The following PTGES3 variants were observed in gnomAD, a reference collection of about 807,000 sequenced individuals.
PTGES3 encodes the protein prostaglandin E synthase 3.
PTGES3 carries 5 observed loss-of-function variants against 29.9 expected under a neutral mutation model. The ratio of observed to expected loss-of-function variants is 0.17; its 90% CI spans 0.09 to 0.35. The LOEUF is 0.35. Among genes scored for constraint, PTGES3 ranks in the 10% least tolerant of loss-of-function variants. PTGES3 has a pLI of 1.00. For missense variants in PTGES3, 128 were observed against 190.0 expected (o/e 0.67, Z 1.92); for synonymous variants, 49 against 57.8 (o/e 0.85, Z 0.69).
At chr12:56,687,308 G>T in intron 1 of PTGES3, 1 of 990,432 alleles carries the variant, frequency 1.0e-6, no homozygotes, top group Non-Finnish European at 1.2e-6. Context: ...GACACGTGCG[G>T]AACTACCTGC....
rs1187679661 is a variant in PTGES3, at chr12:56,688,277, G to GTGGTGAGGCCGGGCGGCGGC, written c.-279_-278insGCCGCCGCCCGGCCTCACCA. 3.6e-5 allele frequency: 18 copies of GTGGTGAGGCCGGGCGGCGGC among 494,562 alleles called. No individual in the cohort carries two copies. The highest frequency in any genetic ancestry group is 3.4e-4 in the African/African-American group (17 of 49,664). The allele number at this position is 494,562 out of a possible 1,614,324, so 30.6% of individuals were successfully genotyped here. A position where few individuals can be genotyped will look rare whatever the true frequency, so the allele number is the denominator to read the frequency against. On this transcript the variant is annotated 5_prime_UTR_variant, in exon 1 of 8. Transcript: ENST00000262033. Reference sequence around the variant, plus strand: ...GAACGTGCGTGCGTGCAAACGAGGGGTGGTGAGGCCGGGCGGCGGCTGGTG... The same window carrying GTGGTGAGGCCGGGCGGCGGC: ...GAACGTGCGTGCGTGCAAACGAGGGGTGGTGAGGCCGGGCGGCGGCTGGTGAGGCCGGGCGGCGGCTGGTG...
Position 56,683,473 on chromosome 12 carries a change from CAAAAAAAAA to C in PTGES3, c.2+4516_2+4524del, listed in dbSNP as rs71081388. Among the ~76,000 whole-genome samples, 261 of 29,758 alleles carry C rather than the reference CAAAAAAAAA, an allele frequency of 8.8e-3. 5 individuals are homozygous for C. The highest frequency in any genetic ancestry group is 0.015 in the Admixed American group (23 of 1,526). The allele number at this position is 29,758 out of a possible 152,430, so 19.5% of individuals were successfully genotyped here. A position where few individuals can be genotyped will look rare whatever the true frequency, so the allele number is the denominator to read the frequency against. On this transcript the variant is annotated intron_variant, in intron 1 of 7. Transcript: ENST00000262033. ...GGGCAACAAGAGAGAAACTCTGTCT[CAAAAAAAAA>C]AAAAAAAAAAAAAAAAAAATTAGCC...
intron 4 of PTGES3, among the ~76,000 whole-genome samples, chr12:56,671,529 CAA>C (rs1210050897): frequency 6.6e-6 from 1 of 152,128 alleles, no homozygotes; most frequent in African/African-American, 2.4e-5. Context: ...GTAATTTATG[CAA>C]AGTCTGTCTC....
At chr12:56,682,161 C>G (rs1952571664) in intron 1 of PTGES3, among the ~76,000 whole-genome samples, 1 of 152,094 alleles carries the variant, frequency 6.6e-6, no homozygotes, top group Non-Finnish European at 1.5e-5. Context: ...TTGGCACTAT[C>G]AAATGAAGTG....
intron 1 of PTGES3, among the ~76,000 whole-genome samples, chr12:56,676,509 A>G (rs1336829853): frequency 2.6e-5 from 4 of 152,148 alleles, no homozygotes; most frequent in Non-Finnish European, 5.9e-5. Context: ...TGAACAAAGA[A>G]AAATTCTTTT....
At chr12:56,676,920 CAAAAAAAA>C (rs34739170) in intron 1 of PTGES3, among the ~76,000 whole-genome samples, 41 of 50,552 alleles carry the variant, frequency 8.1e-4, no homozygotes, top group Non-Finnish European at 1.1e-3. Context: ...GATTCCGACT[CAAAAAAAA>C]AAAAAAAAAA....
intron 1 of PTGES3, among the ~76,000 whole-genome samples, chr12:56,686,567 CG>C (rs1952867469): frequency 6.6e-6 from 1 of 151,838 alleles, no homozygotes; most frequent in African/African-American, 2.4e-5. Context: ...TGCAGCGACG[CG>C]GTTTCTCCAT....
At chr12:56,685,306 T>G (rs1051813598) in intron 1 of PTGES3, among the ~76,000 whole-genome samples, 3 of 152,142 alleles carry the variant, frequency 2.0e-5, no homozygotes, top group Non-Finnish European at 4.4e-5. Flanking sequence ...AAAGAATATT[T>G]TAGCTGGTCT....
intron 5 of PTGES3, among the ~76,000 whole-genome samples, chr12:56,667,885 A>AT (rs1565860135): frequency 1.3e-5 from 2 of 152,210 alleles, no homozygotes. Flanking sequence ...AGGCGGGTGG[A>AT]TCACCTGAGG....
At chr12:56,671,663 G>T in intron 4 of PTGES3, 86 bp downstream of exon 4, 2 of 795,094 alleles carry the variant, frequency 2.5e-6, no homozygotes, top group East Asian at 2.8e-5. Flanking sequence ...CAAAAACACA[G>T]CCATATTCCT....
chr12:56,673,948 A>G (rs912748987), intron 1 of PTGES3, among the ~76,000 whole-genome samples: 1 of 152,110 alleles, frequency 6.6e-6, no homozygotes, highest in Non-Finnish European at 1.5e-5. Context: ...AGCCTGGGCA[A>G]CAGAGACTCT....
At chr12:56,675,563 T>C (rs1015083755) in intron 1 of PTGES3, among the ~76,000 whole-genome samples, 1 of 151,050 alleles carries the variant, frequency 6.6e-6, no homozygotes, top group Admixed American at 6.6e-5. Flanking sequence ...TAAGAGATAT[T>C]TGTGGCCTGC....
At chr12:56,665,205 T>C (rs1448068521) in intron 6 of PTGES3, 4 of 985,242 alleles carry the variant, frequency 4.1e-6, no homozygotes, top group Non-Finnish European at 4.8e-6. Flanking sequence ...CTGGGAGATG[T>C]TAACAGGATG....
chr12:56,686,311 C>T (rs748205172), intron 1 of PTGES3, among the ~76,000 whole-genome samples: 1 of 152,060 alleles, frequency 6.6e-6, no homozygotes, highest in African/African-American at 2.4e-5. Context: ...GACTGATGTC[C>T]CTTCTACATT....
chr12:56,673,736 T>G (rs1952099773), intron 1 of PTGES3, among the ~76,000 whole-genome samples: 1 of 138,550 alleles, frequency 7.2e-6, no homozygotes, highest in Admixed American at 8.2e-5. Context: ...GAGGTTGCAA[T>G]GAGCCGAGAT....
chr12:56,683,888 G>A (rs1952694073), intron 1 of PTGES3, among the ~76,000 whole-genome samples: 1 of 144,300 alleles, frequency 6.9e-6, no homozygotes, highest in Non-Finnish European at 1.5e-5. Context: ...GAACCCCAGG[G>A]GGCGGAGCCT....
intron 1 of PTGES3, among the ~76,000 whole-genome samples, chr12:56,681,079 T>C (rs1014907100): frequency 2.0e-5 from 3 of 151,724 alleles, no homozygotes; most frequent in Non-Finnish European, 2.9e-5. Flanking sequence ...GTCCCCCCAT[T>C]TGTAGTTGTG....
rs550365527 is a variant in PTGES3, at chr12:56,672,651, A to G, written c.186+89T>C. On this transcript the variant is annotated intron_variant, in intron 3 of 7. Coordinates refer to ENST00000262033, the MANE Select transcript of PTGES3 (RefSeq NM_006601.7). ...ATAGTTTGCCTCACTGTTAAGAAAAACAGAACTAATGCTCATTGCTAAAAA... is the reference window on the plus strand; with the variant it reads ...ATAGTTTGCCTCACTGTTAAGAAAAGCAGAACTAATGCTCATTGCTAAAAA... 1.7e-5 allele frequency: 23 copies of G among 1,378,938 alleles called. No individual in the cohort carries two copies. In the African/African-American group the frequency reaches 3.3e-4, roughly 20 times the overall value. 85.4% of individuals were successfully genotyped at this position (1,378,938 alleles called of 1,614,324 possible).
At chr12:56,687,171 T>C (rs1952913207) in intron 1 of PTGES3, 1 of 1,037,398 alleles carries the variant, frequency 9.6e-7, no homozygotes, top group African/African-American at 1.6e-5. Context: ...TTTAAGATCT[T>C]TGGGACGACT....
Sources: allele counts gnomAD v4.1 joint callset (sites outside exome capture counted in the v4.1 genomes callset), GRCh38; gene constraint gnomAD v4.1.1; transcripts MANE v1.5; gene names NCBI Gene and HGNC (gene_info 2026-07-23, HGNC 2026-07-21).